NEO1: variants seen among roughly 807,000 people sequenced by gnomAD.
The protein encoded by NEO1 is neogenin 1.
Under a neutral mutation model 159.7 loss-of-function variants are expected in NEO1, and 63 were observed. The observed-to-expected ratio is 0.39, with a 90% CI of 0.32 to 0.49. The LOEUF is 0.49. NEO1 is among the 20% of genes least tolerant of loss of function. The pLI is 0.85. For synonymous variants in NEO1, 633 were observed against 662.0 expected, an observed-to-expected ratio of 0.96 and a Z score of 0.67; for missense variants, 1,615 against 1,831.0, an observed-to-expected ratio of 0.88 and a Z score of 2.15.
At chr15:73,170,894 G>T (rs2034914851) in intron 5 of NEO1, among the ~76,000 whole-genome samples, 1 of 151,932 alleles carries the variant, frequency 6.6e-6, no homozygotes, top group African/African-American at 2.4e-5. Context: ...TGCACCGCCT[G>T]ATGGGCAATG....
intron 2 of NEO1, among the ~76,000 whole-genome samples, chr15:73,121,629 G>A (rs939100855): frequency 2.0e-5 from 3 of 152,194 alleles, no homozygotes; most frequent in East Asian, 1.9e-4. Context: ...GGATTCATAC[G>A]TGAATCAGTT....
chr15:73,242,638 C>A (rs1350457673), intron 8 of NEO1, among the ~76,000 whole-genome samples: 1 of 152,076 alleles, frequency 6.6e-6, no homozygotes, highest in Non-Finnish European at 1.5e-5. Flanking sequence ...CCAGAGCACT[C>A]CAGCCTGGGT....
chr15:73,137,582 G>T (rs2031903724), intron 5 of NEO1, among the ~76,000 whole-genome samples: 2 of 151,976 alleles, frequency 1.3e-5, no homozygotes, highest in Non-Finnish European at 2.9e-5. Context: ...CTGCAGCCTC[G>T]ACCTCCTGGG....
At chr15:73,168,781 T>C (rs909141247) in intron 5 of NEO1, among the ~76,000 whole-genome samples, 18 of 152,182 alleles carry the variant, frequency 1.2e-4, no homozygotes, top group Admixed American at 2.6e-4. Context: ...GCTTTGTTAG[T>C]TGAGTCAGTA....
At chr15:73,259,370 A>ATCTT (rs2040514504) in intron 14 of NEO1, among the ~76,000 whole-genome samples, 1 of 135,546 alleles carries the variant, frequency 7.4e-6, no homozygotes, top group African/African-American at 2.7e-5. Context: ...CATTTTACTA[A>ATCTT]TTTTTTTTTT....
intron 7 of NEO1, among the ~76,000 whole-genome samples, chr15:73,199,168 T>C (rs766014064): frequency 3.3e-5 from 5 of 151,236 alleles, no homozygotes; most frequent in Non-Finnish European, 7.4e-5. Flanking sequence ...TTGTAGAATA[T>C]TGCTCAATTA....
At chr15:73,107,767 C>A (rs552470992) in intron 1 of NEO1, among the ~76,000 whole-genome samples, 62 of 152,262 alleles carry the variant, frequency 4.1e-4, no homozygotes, top group African/African-American at 1.4e-3. Flanking sequence ...AAAAGTGGAA[C>A]TGAAAAATAC....
At chr15:73,159,896 TAA>T (rs1260680395) in intron 5 of NEO1, among the ~76,000 whole-genome samples, 1 of 152,198 alleles carries the variant, frequency 6.6e-6, no homozygotes, top group African/African-American at 2.4e-5. Flanking sequence ...CCAATATATA[TAA>T]GACTGCCCGT....
chr15:73,174,600 A>G (rs2035174152), intron 5 of NEO1, among the ~76,000 whole-genome samples: 1 of 152,172 alleles, frequency 6.6e-6, no homozygotes, highest in Non-Finnish European at 1.5e-5. Context: ...CAAACTGAAA[A>G]TTAAGCCCAT....
intron 4 of NEO1, among the ~76,000 whole-genome samples, chr15:73,134,857 C>T (rs375113899): frequency 1.2e-4 from 18 of 152,130 alleles, no homozygotes; most frequent in South Asian, 4.1e-4. Flanking sequence ...ATAATCAGAA[C>T]GTTTTTTAAT....
At chr15:73,095,317 G>T (rs552743858) in intron 1 of NEO1, among the ~76,000 whole-genome samples, 14 of 151,774 alleles carry the variant, frequency 9.2e-5, no homozygotes, top group East Asian at 3.9e-4. Flanking sequence ...TTTTAAAAAA[G>T]AATTAAAAAA....
At chr15:73,150,156 C>T (rs1179487099) in intron 5 of NEO1, among the ~76,000 whole-genome samples, 2 of 152,148 alleles carry the variant, frequency 1.3e-5, no homozygotes, top group African/African-American at 4.8e-5. Context: ...ACTTTGAAAT[C>T]CTGAGAAATG....
At chr15:73,070,910 A>G (rs1448684545) in intron 1 of NEO1, among the ~76,000 whole-genome samples, 1 of 152,212 alleles carries the variant, frequency 6.6e-6, no homozygotes, top group African/African-American at 2.4e-5. Context: ...TTTTAAGATT[A>G]TATCTTCAGT....
At chr15:73,103,238 T>C (rs970960900) in intron 1 of NEO1, among the ~76,000 whole-genome samples, 2 of 152,336 alleles carry the variant, frequency 1.3e-5, no homozygotes, top group East Asian at 3.9e-4. Flanking sequence ...TAATATTAAG[T>C]AAATGTGATC....
At chr15:73,170,997 TC>T (rs1157746327) in intron 5 of NEO1, among the ~76,000 whole-genome samples, 2 of 149,270 alleles carry the variant, frequency 1.3e-5, no homozygotes, top group Non-Finnish European at 3.0e-5. Flanking sequence ...TGAAGTAGTC[TC>T]GGGGGAAAAA....
At chr15:73,081,250 C>T (rs1313587544) in intron 1 of NEO1, among the ~76,000 whole-genome samples, 2 of 152,040 alleles carry the variant, frequency 1.3e-5, no homozygotes, top group African/African-American at 2.4e-5. Context: ...GATTCAAACT[C>T]CTCTTAGACT....
chr15:73,225,971 T>G (rs2038563549), intron 7 of NEO1, among the ~76,000 whole-genome samples: 1 of 152,226 alleles, frequency 6.6e-6, no homozygotes, highest in Admixed American at 6.5e-5. Flanking sequence ...CCTTTCTCGC[T>G]GCTTCCTCTA....
At chr15:73,265,521 G>C (rs1230077160) in intron 15 of NEO1, among the ~76,000 whole-genome samples, 1 of 152,204 alleles carries the variant, frequency 6.6e-6, no homozygotes, top group Non-Finnish European at 1.5e-5. Flanking sequence ...CGAAGAGTGG[G>C]AATAGAAGAG....
chr15:73,053,396 G>C (rs537274733), intron 1 of NEO1, among the ~76,000 whole-genome samples: 8 of 152,230 alleles, frequency 5.3e-5, no homozygotes, highest in East Asian at 1.9e-4. Flanking sequence ...TTGATTTAAC[G>C]ATGAGGACGC....
Sources: gnomAD v4.1 joint callset for allele counts (sites outside exome capture counted in the v4.1 genomes callset) on GRCh38, gnomAD v4.1.1 for gene constraint, MANE v1.5 for transcripts, NCBI Gene and HGNC (gene_info 2026-07-23, HGNC 2026-07-21) for gene names.